ARCN1: variants seen among roughly 807,000 people sequenced by gnomAD.
The protein encoded by ARCN1 is archain 1 coat protein complex I subunit delta.
Under a neutral mutation model 60.4 loss-of-function variants are expected in ARCN1, and 5 were observed. The observed-to-expected ratio is 0.08, with a 90% CI of 0.04 to 0.17. The LOEUF is 0.17. Ranked by LOEUF, ARCN1 falls within the 10% of genes least tolerant of loss-of-function variation. The pLI, the probability that ARCN1 is intolerant of heterozygous loss-of-function variation, is 1.00. For synonymous variants in ARCN1, 224 were observed against 220.0 expected (o/e 1.02, Z -0.16); for missense variants, 464 against 626.5 (o/e 0.74, Z 2.77).
At chr11:118,574,879 G>A (rs189838474) in intron 1 of ARCN1, among the ~76,000 whole-genome samples, 57 of 152,084 alleles carry the variant, frequency 3.7e-4, no homozygotes, top group Non-Finnish European at 7.6e-4. Context: ...CAATCCTCCC[G>A]CCTCCATATC....
At chr11:118,583,052 T>TA in intron 2 of ARCN1, 127 bp from the exon 3 acceptor site, 11 of 1,132,720 alleles carry the variant, frequency 9.7e-6, no homozygotes, top group Non-Finnish European at 1.4e-5. Context: ...AAAAATAAAA[T>TA]AAAGACTAGA....
intron 4 of ARCN1, 37 bp downstream of exon 4, chr11:118,584,051 G>T (rs117095450): frequency 2.6e-6 from 4 of 1,565,762 alleles, no homozygotes; most frequent in Admixed American, 1.8e-5. Context: ...CAGGTGAAGG[G>T]TGTATATGTG....
chr11:118,575,155 T>A (rs1555073259), intron 1 of ARCN1, among the ~76,000 whole-genome samples: 1 of 152,112 alleles, frequency 6.6e-6, no homozygotes, highest in African/African-American at 2.4e-5. Flanking sequence ...CTTTTTTGTA[T>A]TTTTAGTAGA....
rs1172555451 is a variant in ARCN1, at chr11:118,578,184, TAAA to T, written c.4-3061_4-3059del. The stretch of plus-strand genomic sequence containing the variant: ...CTCAAAAAATAAATAAATAAATAAA[TAAA>T]TAAATAAATAAATAAATAAATAAAT... On this transcript the variant is annotated intron_variant, in intron 1 of 9. Transcript: ENST00000264028. Among the ~76,000 whole-genome samples the T allele has an allele frequency of 7.3e-5, 11 of 150,130 alleles. 1 individual carries two copies. The highest frequency in any genetic ancestry group is 1.3e-4 in the Admixed American group (2 of 15,102).
chr11:118,575,235 C>T (rs1938464750), intron 1 of ARCN1, among the ~76,000 whole-genome samples: 1 of 152,174 alleles, frequency 6.6e-6, no homozygotes, highest in Non-Finnish European at 1.5e-5. Flanking sequence ...GCCTCGGCCT[C>T]CCAAAGTGCT....
In ARCN1 at chr11:118,600,678, G is replaced by T; in HGVS notation, c.1500G>T (p.Glu500Asp). Residue 500 changes from glutamate to aspartate, a missense_variant, in exon 10 of 10, where the codon GAG (glutamate) becomes GAT (aspartate). Coordinates refer to ENST00000264028, the MANE Select transcript of ARCN1 (RefSeq NM_001655.5). ...ACAGCCCCGTCAGGTTTTCCACAGAGACCACTTTCCTAGTGGATAAGTATG... is the reference window on the plus strand; with the variant it reads ...ACAGCCCCGTCAGGTTTTCCACAGATACCACTTTCCTAGTGGATAAGTATG... ...DGNSPVRFST[E>D]TTFLVDKYEI... The T allele has an allele frequency of 6.2e-7, 1 of 1,612,272 alleles. No individual in the cohort carries two copies. The highest frequency in any genetic ancestry group is 1.1e-5 in the South Asian group (1 of 90,766).
At chr11:118,590,259 T>C in intron 5 of ARCN1, 82 bp from the exon 6 acceptor site, 1 of 1,223,014 alleles carries the variant, frequency 8.2e-7, no homozygotes, top group South Asian at 1.4e-5. Flanking sequence ...CCTCCCAAAG[T>C]GCTGGGGTTA....
intron 1 of ARCN1, among the ~76,000 whole-genome samples, chr11:118,578,818 G>A (rs1398408588): frequency 2.0e-5 from 3 of 149,794 alleles, no homozygotes; most frequent in African/African-American, 4.9e-5. Context: ...TGAGGTGTGC[G>A]GATCACTTTA....
At chr11:118,586,650 C>T (rs1435644807) in intron 5 of ARCN1, among the ~76,000 whole-genome samples, 5 of 151,886 alleles carry the variant, frequency 3.3e-5, no homozygotes, top group Admixed American at 1.3e-4. Flanking sequence ...GGTGAAACTC[C>T]ATCTCCACTA....
At chr11:118,583,765 A>C (rs1555075005) in intron 3 of ARCN1, 44 bp from the exon 4 acceptor site, 1 of 1,595,820 alleles carries the variant, frequency 6.3e-7, no homozygotes, top group Non-Finnish European at 8.5e-7. Context: ...TCTCAACAAA[A>C]ACCCAAAAAA....
intron 8 of ARCN1, among the ~76,000 whole-genome samples, chr11:118,595,864 G>A (rs1390602707): frequency 6.6e-6 from 1 of 152,078 alleles, no homozygotes; most frequent in African/African-American, 2.4e-5. Flanking sequence ...TCAGGAGATC[G>A]AGACCATCTT....
At chr11:118,600,253 G>A (rs1486695503) in intron 9 of ARCN1, among the ~76,000 whole-genome samples, 1 of 152,236 alleles carries the variant, frequency 6.6e-6, no homozygotes, top group Non-Finnish European at 1.5e-5. Flanking sequence ...AATGAATAAT[G>A]TGAAGAGCTA....
In ARCN1 at chr11:118,572,431, C is replaced by T. The variant is rs868983687; in HGVS notation, c.-117C>T. On this transcript the variant is annotated 5_prime_UTR_variant, in exon 1 of 10. Transcript: ENST00000264028. ...GCCATCTTGGCAAGAGGCGAAGCGG[C>T]AGCGGTTCCTGTCAAGGGGGCAGCA... 7.8e-6 allele frequency: 8 copies of T among 1,020,686 alleles called. No homozygotes were observed. In the Middle Eastern group the frequency reaches 1.4e-3, roughly 175 times the overall value. 63.2% of individuals were successfully genotyped at this position (1,020,686 alleles called of 1,614,324 possible). A position where few individuals can be genotyped will look rare whatever the true frequency, so the allele number is the denominator to read the frequency against.
Position 118,592,716 on chromosome 11 carries a change from C to G in ARCN1, c.992C>G (p.Pro331Arg). 6.2e-7 allele frequency: 1 copy of G among 1,613,738 alleles called. No individual in the cohort carries two copies. Among genetic ancestry groups the G allele is most frequent in the Non-Finnish European group, 8.5e-7 (1 of 1,179,788 alleles). ...CTTTCCCTCTCATTCTAGACCCATC[C>G]AAATGTGGATAAAAAACTTTTCACT... is the stretch of plus-strand genomic sequence containing the variant. ...DKKGVQLQTH[P>R]NVDKKLFTAE... Residue 331 changes from proline to arginine, a missense_variant, in exon 7 of 10, where the codon CCA (proline) becomes CGA (arginine). Pro to Arg is a moderately radical substitution (Grantham distance 103, BLOSUM62 -2). This residue lies in a region of ARCN1 where 359 missense variants were observed against 440.2 expected (regional missense o/e 0.82). Coordinates refer to ENST00000264028, the MANE Select transcript of ARCN1 (RefSeq NM_001655.5).
intron 1 of ARCN1, among the ~76,000 whole-genome samples, chr11:118,575,411 G>GGTGTGTGTGT (rs56934953): frequency 0.013 from 1,888 of 149,168 alleles, 43 homozygotes; most frequent in East Asian, 0.077. Flanking sequence ...ACTGATAACG[G>GGTGTGTGTGT]GTGTGTGTGT....
At chr11:118,577,159 C>G (rs1938535392) in intron 1 of ARCN1, among the ~76,000 whole-genome samples, 1 of 152,188 alleles carries the variant, frequency 6.6e-6, no homozygotes, top group Admixed American at 6.5e-5. Flanking sequence ...TGCACTACAG[C>G]TTGGGCAATA....
intron 1 of ARCN1, among the ~76,000 whole-genome samples, chr11:118,578,164 AAAAT>A (rs10608266): frequency 0.46 from 65,512 of 141,348 alleles, 15,420 homozygotes; most frequent in East Asian, 0.69. Flanking sequence ...ACTCTCTCAA[AAAAT>A]AAATAAATAA....
rs1174184814 is a variant in ARCN1 at position 118,592,845 on chromosome 11, T to G, written c.1121T>G (p.Ile374Ser). The change falls in exon 7 of 10, where the codon ATT (isoleucine) becomes AGT (serine). Residue 374 changes from isoleucine (I) to serine (S), a missense_variant. By Grantham distance (142) the Ile-to-Ser change is moderately radical (BLOSUM62 -2). Transcript: ENST00000264028. ...CTACAAACCACAGAGGAATCTTTTA[T>G]TCCACTGACAAGTAAGTGCCTCTGG... The part of the protein sequence containing the change: ...WRLQTTEESF[I>S]PLTINCWPSE... The G allele has an allele frequency of 6.2e-7, 1 of 1,613,838 alleles. No homozygotes were observed. Among genetic ancestry groups the G allele is most frequent in the Non-Finnish European group, 8.5e-7 (1 of 1,179,858 alleles).
chr11:118,584,485 C>T lies in ARCN1; in HGVS notation c.659C>T (p.Ser220Leu). 6.2e-7 allele frequency: 1 copy of T among 1,609,486 alleles called. No individual in the cohort carries two copies. The highest frequency in any genetic ancestry group is 2.2e-5 in the East Asian group (1 of 44,820). Residue 220 changes from serine to leucine, a missense_variant, in exon 5 of 10, where the codon TCA (serine) becomes TTA (leucine). By Grantham distance (145) the Ser-to-Leu change is moderately radical. This residue lies in a region of ARCN1 where 359 missense variants were observed against 440.2 expected (regional missense o/e 0.82). Coordinates refer to ENST00000264028, the MANE Select transcript of ARCN1 (RefSeq NM_001655.5). ...TTTCAAATTCTTCCACTTAGGCCTT[C>T]AGGCCCCAGCAAGGCTTTAAAACTT... ...PKVAPAPARP[S>L]GPSKALKLGA...
Sources: gnomAD v4.1 joint callset for allele counts (sites outside exome capture counted in the v4.1 genomes callset) on GRCh38, gnomAD v4.1.1 for gene constraint, gnomAD v4.1.1 regional missense constraint, MANE v1.5 for transcripts, NCBI Gene and HGNC (gene_info 2026-07-23, HGNC 2026-07-21) for gene names.